C1orf159: variants seen among roughly 807,000 people sequenced by gnomAD.
C1orf159 encodes the protein uncharacterized protein C1orf159.
In C1orf159, 19 loss-of-function variants were observed where a neutral mutation model predicts 25.6. The observed-to-expected ratio is 0.74, with a 90% CI of 0.52 to 1.09. The LOEUF (loss-of-function observed/expected upper bound fraction) is 1.09, where lower values mean the gene tolerates loss of function less well. Ranked by LOEUF, C1orf159 falls within the 50% of genes least tolerant of loss-of-function variation. The pLI, the probability that C1orf159 is intolerant of heterozygous loss-of-function variation, is 0.00. For missense variants in C1orf159, 274 were observed against 290.6 expected, an observed-to-expected ratio of 0.94 and a Z score of 0.42; for synonymous variants, 139 against 124.7, an observed-to-expected ratio of 1.12 and a Z score of -0.77.
At chr1:1,104,401 A>G (rs1270245786) in intron 1 of C1orf159, among the ~76,000 whole-genome samples, 1 of 152,194 alleles carries the variant, frequency 6.6e-6, no homozygotes, top group Non-Finnish European at 1.5e-5. Context: ...GCTTCCTCCA[A>G]GTCAAAACTT....
At chr1:1,088,130 C>T (rs1457065929) in intron 4 of C1orf159, among the ~76,000 whole-genome samples, 7 of 144,934 alleles carry the variant, frequency 4.8e-5, no homozygotes, top group South Asian at 2.3e-4. Context: ...CCCACTGCAA[C>T]GCCTGCCCCA....
rs189882687 is a variant in C1orf159 at position 1,087,852 on chromosome 1, C to T, written c.149-255G>A. On this transcript the variant is annotated intron_variant, in intron 4 of 9. Coordinates refer to ENST00000421241, the MANE Select transcript of C1orf159 (RefSeq NM_017891.5). The surrounding 1 kb of genome is among the most constrained non-coding windows in gnomAD (Gnocchi z 8.3). The stretch of plus-strand genomic sequence containing the variant: ...CCCCAAGTACTCCACGCTGCACTCT[C>T]CACGCCGAGCACCCCGGCCCCGAGT... 2.7e-5 allele frequency among the ~76,000 whole-genome samples: 4 copies of T among 150,592 alleles called. No homozygotes were observed. In the East Asian group the frequency reaches 7.8e-4, roughly 29 times the overall value.
At chr1:1,092,171 G>T (rs943596491) in intron 1 of C1orf159, 68 bp from the exon 2 acceptor site, 2 of 349,742 alleles carry the variant, frequency 5.7e-6, no homozygotes, top group African/African-American at 2.1e-5. Flanking sequence ...GTGGCCTACG[G>T]TGCGGGGTCT....
At chr1:1,094,830 C>T (rs1247842847) in intron 1 of C1orf159, among the ~76,000 whole-genome samples, 1 of 152,184 alleles carries the variant, frequency 6.6e-6, no homozygotes, top group Non-Finnish European at 1.5e-5. Flanking sequence ...TAAGAAATCT[C>T]TGCCTTGACC....
intron 1 of C1orf159, among the ~76,000 whole-genome samples, chr1:1,100,291 C>T (rs561183623): frequency 1.3e-5 from 2 of 150,244 alleles, no homozygotes; most frequent in Middle Eastern, 3.5e-3. Flanking sequence ...AATATAATTA[C>T]TGTTATGGGT....
chr1:1,109,212 T>C (rs958383687), intron 1 of C1orf159, among the ~76,000 whole-genome samples: 2 of 152,138 alleles, frequency 1.3e-5, no homozygotes, highest in Admixed American at 6.5e-5. Context: ...AAAAGAAATT[T>C]TGGACGCATG....
intron 7 of C1orf159, 140 bp downstream of exon 7, chr1:1,085,738 G>C (rs747959865): frequency 9.9e-6 from 11 of 1,114,410 alleles, no homozygotes; most frequent in Non-Finnish European, 1.4e-5. Flanking sequence ...GGACCCAAAA[G>C]CCACAGGACA....
intron 1 of C1orf159, among the ~76,000 whole-genome samples, chr1:1,100,694 T>C (rs796950848): frequency 6.6e-6 from 1 of 152,232 alleles, no homozygotes; most frequent in African/African-American, 2.4e-5. Context: ...TTTTGCGTGA[T>C]TTGAAGTTTT....
At chr1:1,084,939 G>T (rs895387351) in intron 7 of C1orf159, among the ~76,000 whole-genome samples, 2 of 152,108 alleles carry the variant, frequency 1.3e-5, no homozygotes, top group East Asian at 3.9e-4. Context: ...CCTCCATGGT[G>T]CCCCCGCGAT....
rs1301159988 is a variant in C1orf159, at chr1:1,083,091, C to T, written c.503-104G>A. On this transcript the variant is annotated intron_variant, in intron 9 of 9. Transcript: ENST00000421241. ...GGCTCTCGGGAGTGGGCATATGGCA[C>T]AGGCGCCCGGGGCTGTTTACTCTGA... The T allele has an allele frequency of 4.0e-5, 38 of 950,656 alleles. No individual in the cohort carries two copies. The East Asian group carries it at 9.5e-4, about 24-fold the overall frequency. The allele number at this position is 950,656 out of a possible 1,614,324, so 58.9% of individuals were successfully genotyped here. A position where few individuals can be genotyped will look rare whatever the true frequency, so the allele number is the denominator to read the frequency against.
intron 1 of C1orf159, among the ~76,000 whole-genome samples, chr1:1,114,502 T>C (rs942488709): frequency 1.3e-5 from 2 of 152,176 alleles, no homozygotes; most frequent in Non-Finnish European, 2.9e-5. Flanking sequence ...AGGGAGCAGC[T>C]GGGAGGTATC....
chr1:1,096,449 G>T (rs537650301), intron 1 of C1orf159, among the ~76,000 whole-genome samples: 1 of 151,916 alleles, frequency 6.6e-6, no homozygotes, highest in African/African-American at 2.4e-5. Flanking sequence ...ATTACACGTG[G>T]GAGCCACAGC....
At chr1:1,113,634 A>G (rs1221801370) in intron 1 of C1orf159, among the ~76,000 whole-genome samples, 2 of 152,196 alleles carry the variant, frequency 1.3e-5, no homozygotes, top group African/African-American at 4.8e-5. Flanking sequence ...GGTAGGAGGC[A>G]GAAGAGACCT....
rs577923283 is a variant in C1orf159 at position 1,098,864 on chromosome 1, G to A, written c.-135-6761C>T. Among the ~76,000 whole-genome samples, 4 of 152,218 alleles carry A rather than the reference G, an allele frequency of 2.6e-5. No individual in the cohort carries two copies. The East Asian group carries it at 7.7e-4, about 29-fold the overall frequency. ...TGACCTCAGGTGATCCACCCGACTC[G>A]GGCTCCCAAAGTGCCTGGATTACAA... On this transcript the variant is annotated intron_variant, in intron 1 of 9. Transcript: ENST00000421241.
intron 4 of C1orf159, among the ~76,000 whole-genome samples, chr1:1,088,496 C>T (rs1043695441): frequency 1.3e-5 from 2 of 150,208 alleles, no homozygotes; most frequent in African/African-American, 4.9e-5. Context: ...ACCTCCACAC[C>T]CTGGCACCCT....
chr1:1,113,958 C>T (rs1022803732), intron 1 of C1orf159, among the ~76,000 whole-genome samples: 1 of 148,984 alleles, frequency 6.7e-6, no homozygotes, highest in African/African-American at 2.5e-5. Context: ...GCTCTGTCAC[C>T]CAGGCTGCAG....
At chr1:1,102,007 G>A (rs909177229) in intron 1 of C1orf159, among the ~76,000 whole-genome samples, 1 of 145,318 alleles carries the variant, frequency 6.9e-6, no homozygotes. Flanking sequence ...GGAGGTAGAG[G>A]TTGCAGTGAG....
Position 1,082,408 on chromosome 1 carries a change from C to A in C1orf159, c.*485G>T, listed in dbSNP as rs1306656063. On this transcript the variant is annotated 3_prime_UTR_variant, in exon 10 of 10. Transcript: ENST00000421241. ...GGCTGTGTCCTCCCCACTGGCCGGG[C>A]ACCGGCTGGAACGGCACGAGGACCA... The A allele has an allele frequency of 5.8e-6, 1 of 172,632 alleles. No individual in the cohort carries two copies. The highest frequency in any genetic ancestry group is 1.3e-5 in the Non-Finnish European group (1 of 79,702). The allele number at this position is 172,632 out of a possible 1,614,324, so 10.7% of individuals were successfully genotyped here.
rs1265412531 is a variant in C1orf159, at chr1:1,082,916, C to T, written c.574G>A (p.Glu192Lys). The change falls in exon 10 of 10, where the codon GAG becomes AAG. Residue 192 changes from glutamate (E) to lysine (K), a missense_variant. Transcript: ENST00000421241. ...GGTCAGACATTGCTGATACGGGCCTCCCCCGGGAAGGCAGCGGGATCCGTG... is the reference window on the plus strand; with the variant it reads ...GGTCAGACATTGCTGATACGGGCCTTCCCCGGGAAGGCAGCGGGATCCGTG... Reference protein sequence around the residue: ...RATDPAAFPGEARISNV With the variant: ...RATDPAAFPGKARISNV 5 of 1,599,090 alleles carry T rather than the reference C, an allele frequency of 3.1e-6. No homozygotes were observed. Among genetic ancestry groups the T allele is most frequent in the Admixed American group, 1.7e-5 (1 of 58,670 alleles).
Sources: allele counts gnomAD v4.1 joint callset (sites outside exome capture counted in the v4.1 genomes callset), GRCh38; gene constraint gnomAD v4.1.1; non-coding constraint Gnocchi (gnomAD v3.1); transcripts MANE v1.5; gene names NCBI Gene and HGNC (gene_info 2026-07-23, HGNC 2026-07-21).